EEFSEC: variants seen among roughly 807,000 people sequenced by gnomAD.
EEFSEC encodes selenocysteine-specific elongation factor.
In EEFSEC, 43 loss-of-function variants were observed where a neutral mutation model predicts 42.1. The observed-to-expected ratio is 1.02, with a 90% confidence interval of 0.80 to 1.32. The LOEUF (loss-of-function observed/expected upper bound fraction) is 1.32, where lower values mean the gene tolerates loss of function less well. EEFSEC is among the 40% of genes most tolerant of loss of function. EEFSEC has a pLI of 0.00. For synonymous variants in EEFSEC, 354 were observed against 339.1 expected (o/e 1.04, Z -0.48); for missense variants, 745 against 803.6 (o/e 0.93, Z 0.88).
At chr3:128,349,408 G>A (rs572067702) in intron 5 of EEFSEC, among the ~76,000 whole-genome samples, 26 of 152,334 alleles carry the variant, frequency 1.7e-4, no homozygotes, top group Admixed American at 8.5e-4. Context: ...GTCTGGAGCC[G>A]CAGAGCTCAA....
chr3:128,253,447 C>T (rs2066209016), intron 2 of EEFSEC, among the ~76,000 whole-genome samples: 1 of 152,178 alleles, frequency 6.6e-6, no homozygotes, highest in Non-Finnish European at 1.5e-5. Flanking sequence ...CGAGTCATAG[C>T]TTCTCTGAAT....
At chr3:128,265,011 A>G (rs2066339019) in intron 4 of EEFSEC, among the ~76,000 whole-genome samples, 2 of 152,082 alleles carry the variant, frequency 1.3e-5, no homozygotes, top group African/African-American at 4.8e-5. Flanking sequence ...TGTTTATTGG[A>G]GGCCTATGAT....
At chr3:128,332,739 C>A (rs1344334797) in intron 4 of EEFSEC, among the ~76,000 whole-genome samples, 1 of 152,224 alleles carries the variant, frequency 6.6e-6, no homozygotes, top group Non-Finnish European at 1.5e-5. Context: ...TCTCAACCTG[C>A]AGGGGCAGCG....
chr3:128,276,515 A>C (rs2066470085), intron 4 of EEFSEC, among the ~76,000 whole-genome samples: 1 of 152,186 alleles, frequency 6.6e-6, no homozygotes. Flanking sequence ...CAAAACATGG[A>C]AATGTTAATA....
intron 2 of EEFSEC, among the ~76,000 whole-genome samples, chr3:128,260,384 A>G (rs751970485): frequency 6.6e-6 from 1 of 152,144 alleles, no homozygotes; most frequent in Non-Finnish European, 1.5e-5. Flanking sequence ...GAAAGTGTAG[A>G]TATTTTCCAT....
rs149686099 is a variant in EEFSEC, at chr3:128,373,112, C to G, written c.1600+14739C>G. 1.5e-3 allele frequency among the ~76,000 whole-genome samples: 227 copies of G among 152,288 alleles called. 1 individual carries two copies. The highest frequency in any genetic ancestry group is 5.3e-3 in the African/African-American group (221 of 41,556). ...GCCCTGTACAAATGTCAAGATGAGG[C>G]CCTGAGAAGTGGAATGACTTGCACG... is the stretch of plus-strand genomic sequence containing the variant. On this transcript the variant is annotated intron_variant, in intron 6 of 6. Coordinates refer to ENST00000254730, the MANE Select transcript of EEFSEC (RefSeq NM_021937.5).
chr3:128,388,497 T>C (rs1329951821), intron 6 of EEFSEC, among the ~76,000 whole-genome samples: 1 of 152,152 alleles, frequency 6.6e-6, no homozygotes, highest in East Asian at 1.9e-4. Context: ...TTAGGTGGGG[T>C]CTGAGCCCCC....
chr3:128,226,227 C>T (rs376824194), intron 1 of EEFSEC, among the ~76,000 whole-genome samples: 13 of 152,140 alleles, frequency 8.5e-5, no homozygotes, highest in Admixed American at 8.5e-4. Flanking sequence ...CAGCCCATGC[C>T]GTAAGCCACA....
chr3:128,201,180 T>C (rs2811508), intron 1 of EEFSEC, among the ~76,000 whole-genome samples: 44,668 of 152,114 alleles, frequency 0.29, 6,797 homozygotes, highest in South Asian at 0.37. Flanking sequence ...TTAAAATAAA[T>C]ACCTAACTAC....
At chr3:128,332,371 T>G (rs2067143388) in intron 4 of EEFSEC, among the ~76,000 whole-genome samples, 1 of 152,334 alleles carries the variant, frequency 6.6e-6, no homozygotes, top group African/African-American at 2.4e-5. Context: ...TCAGATTGTT[T>G]TGGATTTTGG....
intron 4 of EEFSEC, among the ~76,000 whole-genome samples, chr3:128,283,349 A>T (rs1007242085): frequency 6.6e-6 from 1 of 152,228 alleles, no homozygotes; most frequent in Non-Finnish European, 1.5e-5. Flanking sequence ...AACTCAGATG[A>T]GCATAAGGAA....
chr3:128,262,086 G>A (rs1576589049), intron 2 of EEFSEC, 42 bp from the exon 3 acceptor site: 5 of 1,592,132 alleles, frequency 3.1e-6, no homozygotes, highest in Non-Finnish European at 4.3e-6. Flanking sequence ...TGTCCATGTT[G>A]CTGATCTCTG....
intron 6 of EEFSEC, among the ~76,000 whole-genome samples, chr3:128,393,100 T>C (rs544197680): frequency 6.6e-6 from 1 of 152,344 alleles, no homozygotes; most frequent in East Asian, 1.9e-4. Flanking sequence ...GGCTTCCACA[T>C]ACTTTGTTTA....
chr3:128,264,163 T>C (rs2066327408), intron 3 of EEFSEC, among the ~76,000 whole-genome samples: 1 of 152,020 alleles, frequency 6.6e-6, no homozygotes, highest in Admixed American at 6.6e-5. Context: ...CTGGCATACG[T>C]CAGGGAGTGG....
Position 128,187,765 on chromosome 3 carries a change from G to A in EEFSEC, c.316+33942G>A, listed in dbSNP as rs117175363. ...TACAATACACCAGAGGGTTTCAGAG[G>A]TGCGAGTCAGGGAAGACTTCACAGA... On this transcript the variant is annotated intron_variant, in intron 1 of 6. Transcript: ENST00000254730. Among the ~76,000 whole-genome samples, 8 of 152,346 alleles carry A rather than the reference G, an allele frequency of 5.3e-5. No homozygotes were observed. The East Asian group carries it at 1.3e-3, about 26-fold the overall frequency.
chr3:128,382,453 A>G lies in EEFSEC; in HGVS notation c.1600+24080A>G, dbSNP rs73861059. Among the ~76,000 whole-genome samples, 47 of 152,252 alleles carry G rather than the reference A, an allele frequency of 3.1e-4. 1 individual carries two copies. The highest frequency in any genetic ancestry group is 9.1e-4 in the African/African-American group (38 of 41,560). On this transcript the variant is annotated intron_variant, in intron 6 of 6. Coordinates refer to ENST00000254730, the MANE Select transcript of EEFSEC (RefSeq NM_021937.5). ...CGCCTACGTCTATGTGTGTCCATGT[A>G]TGTGTGTGCGTGCTCACGCTTTTGT...
At chr3:128,179,953 G>A (rs1176811037) in intron 1 of EEFSEC, among the ~76,000 whole-genome samples, 1 of 152,092 alleles carries the variant, frequency 6.6e-6, no homozygotes, top group African/African-American at 2.4e-5. Flanking sequence ...CATTGTTTGA[G>A]ATTCATGTTT....
chr3:128,235,360 C>A (rs2065997909), intron 1 of EEFSEC, among the ~76,000 whole-genome samples: 1 of 152,120 alleles, frequency 6.6e-6, no homozygotes, highest in Non-Finnish European at 1.5e-5. Flanking sequence ...TGAGCCACCG[C>A]GCCCAGCCTG....
chr3:128,169,890 C>G (rs1230185495), intron 1 of EEFSEC, among the ~76,000 whole-genome samples: 1 of 152,196 alleles, frequency 6.6e-6, no homozygotes, highest in Non-Finnish European at 1.5e-5. Flanking sequence ...GAGCACAGGC[C>G]CTTCATGCTT....
Sources: allele counts gnomAD v4.1 joint callset (sites outside exome capture counted in the v4.1 genomes callset), GRCh38; gene constraint gnomAD v4.1.1; transcripts MANE v1.5; gene names NCBI Gene and HGNC (gene_info 2026-07-23, HGNC 2026-07-21).